The following CHST15 variants were observed in gnomAD, a reference collection of about 807,000 sequenced individuals.
CHST15 encodes the protein carbohydrate sulfotransferase 15.
In CHST15, 30 loss-of-function variants were observed where a neutral mutation model predicts 53.6. The ratio of observed to expected loss-of-function variants is 0.56; its 90% CI spans 0.42 to 0.76. CHST15 has a LOEUF of 0.76. CHST15 is among the 30% of genes least tolerant of loss of function. The probability of loss-of-function intolerance (pLI) is 0.00; values close to 1 mark genes in which losing one functional copy is unlikely to be tolerated. For missense variants in CHST15, 627 were observed against 740.5 expected, an observed-to-expected ratio of 0.85 and a Z score of 1.78; for synonymous variants, 296 against 289.8, an observed-to-expected ratio of 1.02 and a Z score of -0.22.
chr10:124,062,517 C>G (rs917372654), intron 1 of CHST15, among the ~76,000 whole-genome samples: 1 of 152,130 alleles, frequency 6.6e-6, no homozygotes, highest in Non-Finnish European at 1.5e-5. Flanking sequence ...ACGGCAGTAC[C>G]GACCCCATGG....
At chr10:124,056,836 C>T (rs1041585066) in intron 1 of CHST15, among the ~76,000 whole-genome samples, 5 of 152,150 alleles carry the variant, frequency 3.3e-5, no homozygotes, top group Middle Eastern at 3.4e-3. Context: ...CCTATACGAC[C>T]GGACACACTT....
chr10:124,056,961 G>A (rs935830929), intron 1 of CHST15, among the ~76,000 whole-genome samples: 3 of 151,742 alleles, frequency 2.0e-5, no homozygotes, highest in Non-Finnish European at 4.4e-5. Flanking sequence ...CTGTACGACC[G>A]GACACACTTT....
At chr10:124,077,440 CAGACCATCCCTGA>C (rs1949112935) in intron 1 of CHST15, among the ~76,000 whole-genome samples, 1 of 152,208 alleles carries the variant, frequency 6.6e-6, no homozygotes, top group Admixed American at 6.5e-5. Flanking sequence ...CCCCAGAGTC[CAGACCATCCCTGA>C]GGCACTCAAG....
At chr10:124,045,299 T>C (rs1014846965) in intron 2 of CHST15, among the ~76,000 whole-genome samples, 1 of 152,072 alleles carries the variant, frequency 6.6e-6, no homozygotes, top group Non-Finnish European at 1.5e-5. Flanking sequence ...AAATGTAGAA[T>C]AGAAGCAGAA....
In CHST15 at chr10:124,074,823, C is replaced by T. The variant is rs139009984; in HGVS notation, c.-513+18646G>A. On this transcript the variant is annotated intron_variant, in intron 1 of 7. Transcript: ENST00000435907. This position sits in a 1 kb window ranked among gnomAD's most constrained non-coding sequence, Gnocchi z 4.4. ...GGACAGGACCTGGGCATGTCTCACT[C>T]GCCACTGCCTCCCAGCAGCCAGGGC... is the stretch of plus-strand genomic sequence containing the variant. 3.7e-3 allele frequency among the ~76,000 whole-genome samples: 567 copies of T among 152,328 alleles called. 4 individuals are homozygous for T. The highest frequency in any genetic ancestry group is 6.4e-3 in the Non-Finnish European group (434 of 68,030).
chr10:124,043,191 G>A (rs959703414), intron 3 of CHST15, among the ~76,000 whole-genome samples: 2 of 152,218 alleles, frequency 1.3e-5, no homozygotes, highest in African/African-American at 2.4e-5. Flanking sequence ...AGAGGTTCAA[G>A]GTGACATTGA....
chr10:124,078,796 C>T (rs1056537047), intron 1 of CHST15, among the ~76,000 whole-genome samples: 1 of 152,178 alleles, frequency 6.6e-6, no homozygotes, highest in Non-Finnish European at 1.5e-5. Flanking sequence ...ATAAGGTCTG[C>T]AGCTCAGTTA....
Position 124,045,935 on chromosome 10 carries a change from A to G in CHST15, c.278T>C (p.Met93Thr), listed in dbSNP as rs779184509. Residue 93 changes from methionine (M) to threonine (T), a missense_variant, in exon 2 of 8, where the codon ATG (methionine) becomes ACG (threonine). Physicochemically the swap from Met to Thr is moderately conservative, Grantham distance 81. Coordinates refer to ENST00000435907, the MANE Select transcript of CHST15 (RefSeq NM_001270764.2). ...GGCCCCAGAAAGGATGTAAGAAGCCATTACCAAGGTCATTATTATCAGTCC... is the reference window on the plus strand; with the variant it reads ...GGCCCCAGAAAGGATGTAAGAAGCCGTTACCAAGGTCATTATTATCAGTCC... Reference protein sequence around the residue: ...VFGLIIMTLVMASYILSGAHQ... With the variant: ...VFGLIIMTLVTASYILSGAHQ... 6.8e-6 allele frequency: 11 copies of G among 1,613,958 alleles called. No homozygotes were observed. The African/African-American group carries it at 1.1e-4, about 16-fold the overall frequency.
chr10:124,020,018 G>A, intron 6 of CHST15: 1 of 985,722 alleles, frequency 1.0e-6, no homozygotes, highest in Non-Finnish European at 1.2e-6. Context: ...CCCGTTCTCA[G>A]GTGGTTCTCT....
rs1046535691 is a variant in CHST15, at chr10:124,068,407, T to C, written c.-512-21683A>G. ...AAGCACCAAGCAAGGACAGGGCACCTGGGAAGTTCAGGAATCGTTGGCAGT... is the reference window on the plus strand; with the variant it reads ...AAGCACCAAGCAAGGACAGGGCACCCGGGAAGTTCAGGAATCGTTGGCAGT... On this transcript the variant is annotated intron_variant, in intron 1 of 7. Coordinates refer to ENST00000435907, the MANE Select transcript of CHST15 (RefSeq NM_001270764.2). Among the ~76,000 whole-genome samples the C allele has an allele frequency of 1.5e-3, 228 of 152,328 alleles. 1 individual carries two copies. The highest frequency in any genetic ancestry group is 1.1e-3 in the Non-Finnish European group (77 of 68,034).
chr10:124,029,555 C>T (rs1947140899), intron 5 of CHST15, among the ~76,000 whole-genome samples: 1 of 152,200 alleles, frequency 6.6e-6, no homozygotes, highest in Non-Finnish European at 1.5e-5. Flanking sequence ...GGAGGCAGCA[C>T]TTCTCAGAGG....
chr10:124,037,516 G>A (rs2133957225), intron 5 of CHST15, among the ~76,000 whole-genome samples: 1 of 152,308 alleles, frequency 6.6e-6, no homozygotes, highest in Non-Finnish European at 1.5e-5. Flanking sequence ...CTGACTCAGA[G>A]GGCCTCGGAT....
chr10:124,070,626 G>C (rs190991353), intron 1 of CHST15, among the ~76,000 whole-genome samples: 1 of 152,154 alleles, frequency 6.6e-6, no homozygotes, highest in African/African-American at 2.4e-5. Context: ...CTGTCTGGCC[G>C]GGGCCTCCTA....
chr10:124,055,633 C>T (rs900120999), intron 1 of CHST15, among the ~76,000 whole-genome samples: 3 of 152,184 alleles, frequency 2.0e-5, no homozygotes, highest in Admixed American at 6.5e-5. Flanking sequence ...CAGGATCATT[C>T]GGGCACCCCT....
chr10:124,022,902 C>T (rs1439598831), intron 5 of CHST15, among the ~76,000 whole-genome samples: 4 of 150,610 alleles, frequency 2.7e-5, no homozygotes, highest in African/African-American at 7.4e-5. Context: ...CTGCAACGTC[C>T]GCCTCCTGGG....
At chr10:124,020,894 C>A (rs1317735215) in intron 6 of CHST15, 4 of 1,287,288 alleles carry the variant, frequency 3.1e-6, no homozygotes, top group Non-Finnish European at 3.9e-6. Flanking sequence ...ACAAAACAAT[C>A]CACCGCTCAA....
rs771561093 is a variant in CHST15 at position 124,021,349 on chromosome 10, T to G, written c.1254A>C (p.Lys418Asn). The G allele has an allele frequency of 6.2e-7, 1 of 1,614,112 alleles. No individual in the cohort carries two copies. The highest frequency in any genetic ancestry group is 1.1e-5 in the South Asian group (1 of 91,080). Residue 418 changes from lysine (K) to asparagine (N), a missense_variant, in exon 6 of 8, where the codon AAA becomes AAC. Lys to Asn is a moderately conservative substitution (Grantham distance 94). Coordinates refer to ENST00000435907, the MANE Select transcript of CHST15 (RefSeq NM_001270764.2). Reference sequence around the variant, plus strand: ...CAAACAGCTGCAGTGCTTCTGTCACTTTCTCATGGAAGTCGTCCGCGGATT... The same window carrying G: ...CAAACAGCTGCAGTGCTTCTGTCACGTTCTCATGGAAGTCGTCCGCGGATT... ...SNKSADDFHEKVTEALQLFEN... is the reference protein window; with the variant it reads ...SNKSADDFHENVTEALQLFEN...
intron 5 of CHST15, among the ~76,000 whole-genome samples, chr10:124,026,442 T>G (rs1261178847): frequency 6.6e-6 from 1 of 152,036 alleles, no homozygotes; most frequent in Non-Finnish European, 1.5e-5. Context: ...AGCAAACATA[T>G]CAAGAACAAG....
intron 1 of CHST15, among the ~76,000 whole-genome samples, chr10:124,059,609 G>A (rs1370034991): frequency 6.6e-6 from 1 of 152,146 alleles, no homozygotes; most frequent in East Asian, 1.9e-4. Context: ...AGGACGGGCA[G>A]AGGAGAAAGG....
Sources: allele counts gnomAD v4.1 joint callset (sites outside exome capture counted in the v4.1 genomes callset), GRCh38; gene constraint gnomAD v4.1.1; non-coding constraint Gnocchi (gnomAD v3.1); transcripts MANE v1.5; gene names NCBI Gene and HGNC (gene_info 2026-07-23, HGNC 2026-07-21).